The following PDE4D variants were observed in gnomAD, a reference collection of about 807,000 sequenced individuals.
PDE4D encodes 3',5'-cyclic-AMP phosphodiesterase 4D.
In PDE4D, 24 loss-of-function variants were observed where a neutral mutation model predicts 87.4. The ratio of observed to expected loss-of-function variants is 0.27; its 90% CI spans 0.20 to 0.39. PDE4D has a LOEUF of 0.39. Ranked by LOEUF, PDE4D falls within the 10% of genes least tolerant of loss-of-function variation. PDE4D has a pLI of 1.00. For missense variants in PDE4D, 714 were observed against 1,041.0 expected, an observed-to-expected ratio of 0.69 and a Z score of 4.32; for synonymous variants, 384 against 383.2, an observed-to-expected ratio of 1.00 and a Z score of -0.02.
intron 1 of PDE4D, among the ~76,000 whole-genome samples, chr5:59,431,841 A>G (rs1393858285): frequency 6.6e-6 from 1 of 152,028 alleles, no homozygotes; most frequent in Admixed American, 6.6e-5. Context: ...ATGAGTTCTC[A>G]TCATTTATCT....
At chr5:59,374,204 A>C (rs1372476140) in intron 1 of PDE4D, among the ~76,000 whole-genome samples, 6 of 152,194 alleles carry the variant, frequency 3.9e-5, no homozygotes, top group Admixed American at 3.9e-4. Context: ...AAATGGACTA[A>C]ATGCCTCAAT....
At chr5:59,086,022 C>T (rs192028564) in intron 5 of PDE4D, among the ~76,000 whole-genome samples, 7 of 152,198 alleles carry the variant, frequency 4.6e-5, no homozygotes, top group Admixed American at 2.6e-4. Flanking sequence ...GCAAGGGGTC[C>T]GTCTATACAG....
chr5:59,764,510 C>A (rs1580980936), intron 1 of PDE4D, among the ~76,000 whole-genome samples: 1 of 152,116 alleles, frequency 6.6e-6, no homozygotes, highest in South Asian at 2.1e-4. Flanking sequence ...AGTGACATAG[C>A]ACCTAGAGTA....
chr5:59,253,099 G>T (rs142654135), intron 1 of PDE4D, among the ~76,000 whole-genome samples: 54 of 152,188 alleles, frequency 3.5e-4, no homozygotes, highest in African/African-American at 1.2e-3. Context: ...TGATGAGGGA[G>T]TAAACTAGGC....
At chr5:59,256,565 A>C (rs914559908) in intron 1 of PDE4D, among the ~76,000 whole-genome samples, 2 of 152,126 alleles carry the variant, frequency 1.3e-5, no homozygotes, top group African/African-American at 4.8e-5. Flanking sequence ...AAAAATTGGA[A>C]AGCATCAGGA....
At chr5:60,389,019 T>C (rs1324193795) in intron 1 of PDE4D, among the ~76,000 whole-genome samples, 2 of 152,190 alleles carry the variant, frequency 1.3e-5, no homozygotes, top group African/African-American at 4.8e-5. Context: ...GGACAGAATT[T>C]TAATCCACAT....
intron 5 of PDE4D, 77 bp from the exon 6 acceptor site, chr5:59,039,048 C>G (rs532394208): frequency 3.3e-6 from 5 of 1,520,252 alleles, no homozygotes; most frequent in Non-Finnish European, 3.5e-6. Flanking sequence ...AGGGGGCCAT[C>G]CTGCCATACC....
chr5:59,440,120 G>A (rs918046700), intron 1 of PDE4D, among the ~76,000 whole-genome samples: 16 of 152,074 alleles, frequency 1.1e-4, no homozygotes, highest in Admixed American at 1.0e-3. Flanking sequence ...TTTCTTGATA[G>A]ACTATTGCTA....
At chr5:59,874,760 T>C (rs1748311583) in intron 1 of PDE4D, among the ~76,000 whole-genome samples, 1 of 152,196 alleles carries the variant, frequency 6.6e-6, no homozygotes, top group African/African-American at 2.4e-5. Flanking sequence ...ATTTCCAACC[T>C]GACTTGGTGA....
At position 59,045,556 on chromosome 5, in the gene PDE4D, C is replaced by CA. The variant is rs36051277; in HGVS notation, c.809-6586dup. On this transcript the variant is annotated intron_variant, in intron 5 of 14. Transcript: ENST00000340635. Reference sequence around the variant, plus strand: ...CAACAAGAGCATAAAAACTCTGTCTCAAAAAAAAAAAAAAAAAAAAAAAAG... The same window carrying CA: ...CAACAAGAGCATAAAAACTCTGTCTCAAAAAAAAAAAAAAAAAAAAAAAAAG... 1.0e-2 allele frequency among the ~76,000 whole-genome samples: 704 copies of CA among 70,616 alleles called. 2 individuals carry two copies. The highest frequency in any genetic ancestry group is 0.025 in the East Asian group (49 of 1,938). 46.3% of individuals were successfully genotyped at this position (70,616 alleles called of 152,430 possible).
At chr5:60,049,304 G>T (rs1461674992) in intron 2 of PDE4D, among the ~76,000 whole-genome samples, 1 of 152,000 alleles carries the variant, frequency 6.6e-6, no homozygotes, top group African/African-American at 2.4e-5. Context: ...CTTTACCTTT[G>T]GTTTGAATGT....
intron 1 of PDE4D, among the ~76,000 whole-genome samples, chr5:59,777,829 TC>T (rs1222246336): frequency 6.6e-6 from 1 of 152,186 alleles, no homozygotes; most frequent in Non-Finnish European, 1.5e-5. Context: ...ACCATTTTTT[TC>T]AAAAGCGCAT....
intron 1 of PDE4D, among the ~76,000 whole-genome samples, chr5:60,377,931 G>A (rs1328619000): frequency 6.6e-6 from 1 of 152,164 alleles, no homozygotes; most frequent in Admixed American, 6.5e-5. Context: ...TCTACACATA[G>A]TATTTAAATG....
chr5:60,047,465 G>T (rs1769430289), intron 2 of PDE4D, among the ~76,000 whole-genome samples: 1 of 152,174 alleles, frequency 6.6e-6, no homozygotes, highest in Non-Finnish European at 1.5e-5. Flanking sequence ...ATGTTAGGGT[G>T]TCCATTTTAG....
chr5:59,811,643 G>T (rs1265423376), intron 1 of PDE4D, among the ~76,000 whole-genome samples: 1 of 152,116 alleles, frequency 6.6e-6, no homozygotes, highest in Non-Finnish European at 1.5e-5. Flanking sequence ...TCCTCCTCTT[G>T]TCTCAGGCTA....
At chr5:59,988,822 A>G (rs1762709873) in intron 2 of PDE4D, 1 of 584,056 alleles carries the variant, frequency 1.7e-6, no homozygotes, top group Non-Finnish European at 2.9e-6. Context: ...AGTAAAATGT[A>G]TACATGAAAA....
At chr5:59,616,007 T>C (rs948977665) in intron 1 of PDE4D, among the ~76,000 whole-genome samples, 13 of 152,102 alleles carry the variant, frequency 8.5e-5, no homozygotes, top group African/African-American at 3.1e-4. Context: ...TTAGGGTACA[T>C]GTGCACAATG....
rs1349858888 is a variant in PDE4D at position 59,015,569 on chromosome 5, A to G, written c.922-22104T>C. 7.2e-5 allele frequency among the ~76,000 whole-genome samples: 11 copies of G among 152,090 alleles called. No homozygotes were observed. In the East Asian group the frequency reaches 1.9e-3, roughly 27 times the overall value. ...CAGAGAAATGCAAATCAAAACCACA[A>G]TGAGATACCATCTCACACCAGTTAG... On this transcript the variant is annotated intron_variant, in intron 6 of 14. Transcript: ENST00000340635.
chr5:59,247,640 A>C (rs1759122633), intron 1 of PDE4D, among the ~76,000 whole-genome samples: 1 of 152,154 alleles, frequency 6.6e-6, no homozygotes, highest in South Asian at 2.1e-4. Context: ...GCATTACAAA[A>C]AATGAAAATG....
Sources: allele counts gnomAD v4.1 joint callset (sites outside exome capture counted in the v4.1 genomes callset), GRCh38; gene constraint gnomAD v4.1.1; transcripts MANE v1.5; gene names NCBI Gene and HGNC (gene_info 2026-07-23, HGNC 2026-07-21).